The following FHIT variants were observed in gnomAD, a reference collection of about 807,000 sequenced individuals.
FHIT encodes the protein bis(5'-adenosyl)-triphosphatase.
A neutral mutation model predicts 17.9 loss-of-function variants in FHIT; 19 were observed. The observed-to-expected ratio is 1.06, with a 90% CI of 0.74 to 1.56. The LOEUF is 1.56. Ranked by LOEUF, FHIT falls within the 40% of genes most tolerant of loss-of-function variation. The pLI is 0.00. For missense variants in FHIT, 248 were observed against 189.2 expected, an observed-to-expected ratio of 1.31 and a Z score of -1.82; for synonymous variants, 81 against 69.7, an observed-to-expected ratio of 1.16 and a Z score of -0.81.
At chr3:60,881,915 T>C (rs1705000632) in intron 3 of FHIT, among the ~76,000 whole-genome samples, 1 of 151,140 alleles carries the variant, frequency 6.6e-6, no homozygotes, top group Admixed American at 6.6e-5. Context: ...AGAGGAGAAA[T>C]AAATGAAATT....
intron 4 of FHIT, among the ~76,000 whole-genome samples, chr3:60,662,663 A>T (rs1402146933): frequency 6.6e-6 from 1 of 152,088 alleles, no homozygotes; most frequent in Non-Finnish European, 1.5e-5. Context: ...CACAATATTG[A>T]TTCTATCCAT....
chr3:60,240,258 G>T (rs1705057906), intron 5 of FHIT, among the ~76,000 whole-genome samples: 1 of 152,108 alleles, frequency 6.6e-6, no homozygotes, highest in African/African-American at 2.4e-5. Context: ...AGCATTAGTA[G>T]GAGAGAATGG....
At chr3:59,971,086 T>G (rs1382871004) in intron 7 of FHIT, among the ~76,000 whole-genome samples, 1 of 151,980 alleles carries the variant, frequency 6.6e-6, no homozygotes, top group East Asian at 1.9e-4. Flanking sequence ...TAGGACAAAA[T>G]TTTTTTCTTT....
intron 8 of FHIT, among the ~76,000 whole-genome samples, chr3:59,794,031 G>A (rs891285758): frequency 2.6e-5 from 4 of 151,992 alleles, no homozygotes; most frequent in Admixed American, 6.6e-5. Flanking sequence ...CACATACTCA[G>A]GCTATTTCTC....
At chr3:60,579,237 A>G (rs1224546757) in intron 4 of FHIT, among the ~76,000 whole-genome samples, 2 of 152,186 alleles carry the variant, frequency 1.3e-5, no homozygotes, top group Non-Finnish European at 2.9e-5. Context: ...GCTATACGCT[A>G]TATGCTATAT....
chr3:61,163,535 CT>C (rs1255790945), intron 2 of FHIT, among the ~76,000 whole-genome samples: 2 of 152,184 alleles, frequency 1.3e-5, no homozygotes, highest in African/African-American at 4.8e-5. Context: ...TTCTCCCACA[CT>C]TTTCCCCTGA....
intron 5 of FHIT, among the ~76,000 whole-genome samples, chr3:60,335,986 G>GA (rs1288936807): frequency 6.6e-6 from 1 of 152,100 alleles, no homozygotes; most frequent in Non-Finnish European, 1.5e-5. Context: ...CAGAAAACAT[G>GA]AAAAAGTGTG....
At position 60,667,021 on chromosome 3, in the gene FHIT, A is replaced by AT. The variant is rs56071877; in HGVS notation, c.-17-130043dup. On this transcript the variant is annotated intron_variant, in intron 4 of 9. Coordinates refer to ENST00000492590, the MANE Select transcript of FHIT (RefSeq NM_002012.4). ...AGGTGTGCACCACCATGCCTGGTTA[A>AT]TTTTTTTTTTTTTTTTTTTTTTTTT... Among the ~76,000 whole-genome samples the AT allele has an allele frequency of 2.9e-3, 100 of 34,124 alleles. 4 individuals carry two copies. Among genetic ancestry groups the AT allele is most frequent in the African/African-American group, 5.8e-3 (57 of 9,744 alleles). 22.4% of individuals were successfully genotyped at this position (34,124 alleles called of 152,430 possible).
At chr3:60,526,243 T>G (rs1324177699) in intron 5 of FHIT, among the ~76,000 whole-genome samples, 1 of 152,082 alleles carries the variant, frequency 6.6e-6, no homozygotes, top group Non-Finnish European at 1.5e-5. Context: ...TAGTCTGCAC[T>G]GGTGAATTAA....
At chr3:60,717,225 A>G (rs2041705362) in intron 4 of FHIT, among the ~76,000 whole-genome samples, 1 of 152,166 alleles carries the variant, frequency 6.6e-6, no homozygotes, top group African/African-American at 2.4e-5. Context: ...TTGGAGATCT[A>G]TTATACAGCA....
intron 4 of FHIT, among the ~76,000 whole-genome samples, chr3:60,630,953 A>AC (rs1330830683): frequency 9.0e-6 from 1 of 111,398 alleles, no homozygotes; most frequent in African/African-American, 3.3e-5. Context: ...AAAAAAAAAA[A>AC]AAACACACAG....
chr3:59,806,859 A>G (rs1700225689), intron 8 of FHIT, among the ~76,000 whole-genome samples: 1 of 152,116 alleles, frequency 6.6e-6, no homozygotes, highest in South Asian at 2.1e-4. Flanking sequence ...AAACCACCAA[A>G]ATACAAGTGT....
At chr3:61,142,024 A>G (rs1310742353) in intron 2 of FHIT, among the ~76,000 whole-genome samples, 1 of 151,302 alleles carries the variant, frequency 6.6e-6, no homozygotes, top group African/African-American at 2.4e-5. Context: ...CACCTTCACA[A>G]TTGCAAAGCA....
chr3:60,002,709 T>C (rs776018441), intron 7 of FHIT, among the ~76,000 whole-genome samples: 1 of 152,184 alleles, frequency 6.6e-6, no homozygotes, highest in African/African-American at 2.4e-5. Context: ...GGCTCAGCCA[T>C]GAAATCTTTA....
At chr3:60,421,030 C>CA (rs1161137652) in intron 5 of FHIT, among the ~76,000 whole-genome samples, 1 of 138,342 alleles carries the variant, frequency 7.2e-6, no homozygotes, top group East Asian at 2.1e-4. Flanking sequence ...TCTCCCACTA[C>CA]TTTTTTTTTT....
chr3:60,146,396 G>C (rs958204297), intron 5 of FHIT, among the ~76,000 whole-genome samples: 1 of 151,896 alleles, frequency 6.6e-6, no homozygotes, highest in Non-Finnish European at 1.5e-5. Flanking sequence ...CATGATACTA[G>C]ATCCAGCTAT....
At chr3:59,836,741 A>C (rs980001549) in intron 8 of FHIT, among the ~76,000 whole-genome samples, 6 of 152,064 alleles carry the variant, frequency 3.9e-5, no homozygotes, top group Non-Finnish European at 8.8e-5. Context: ...CCTACTAGGG[A>C]GAAAGAATGC....
chr3:60,315,703 G>A (rs978909316), intron 5 of FHIT, among the ~76,000 whole-genome samples: 7 of 152,160 alleles, frequency 4.6e-5, no homozygotes, highest in Non-Finnish European at 8.8e-5. Context: ...GCTGCTGATG[G>A]ATATTTGGTT....
intron 5 of FHIT, among the ~76,000 whole-genome samples, chr3:60,131,058 C>CAT (rs1559661588): frequency 2.9e-5 from 1 of 34,356 alleles, no homozygotes; most frequent in Non-Finnish European, 5.7e-5. Flanking sequence ...TATATACATA[C>CAT]ATACACATGT....
Sources: allele counts gnomAD v4.1 joint callset (sites outside exome capture counted in the v4.1 genomes callset), GRCh38; gene constraint gnomAD v4.1.1; transcripts MANE v1.5; gene names NCBI Gene and HGNC (gene_info 2026-07-23, HGNC 2026-07-21).